Variants in NXPE2 observed in about 807,000 individuals in gnomAD.
NXPE2 encodes the protein neurexophilin and PC-esterase domain family member 2.
Under a neutral mutation model 34.4 loss-of-function variants are expected in NXPE2, and 34 were observed. That is an observed-to-expected ratio of 0.99 (90% CI 0.75 to 1.31). The LOEUF (loss-of-function observed/expected upper bound fraction) is 1.31, where lower values mean the gene tolerates loss of function less well. Among genes scored for constraint, NXPE2 ranks in the 40% most tolerant of loss-of-function variants. The pLI, the probability that NXPE2 is intolerant of heterozygous loss-of-function variation, is 0.00. For synonymous variants in NXPE2, 235 were observed against 231.3 expected, an observed-to-expected ratio of 1.02 and a Z score of -0.15; for missense variants, 649 against 672.5, an observed-to-expected ratio of 0.97 and a Z score of 0.39.
the NXPE2 span, chr11:114,582,721 A>T: frequency 1.2e-6 from 2 of 1,613,978 alleles, no homozygotes; most frequent in Non-Finnish European, 1.7e-6. Flanking sequence ...TCCCCGCCAT[A>T]TTGCTTCCTG....
At chr11:114,664,790 G>T in the NXPE2 span, among the ~76,000 whole-genome samples, 1 of 152,066 alleles carries the variant, frequency 6.6e-6, no homozygotes, top group Non-Finnish European at 1.5e-5. Flanking sequence ...CTCTTGGGAG[G>T]CAGGGCAGCG....
the NXPE2 span, among the ~76,000 whole-genome samples, chr11:114,518,719 G>C: frequency 6.6e-6 from 1 of 152,152 alleles, no homozygotes; most frequent in South Asian, 2.1e-4. Flanking sequence ...TAACAGAAAT[G>C]TTTTTGGGGA....
chr11:114,523,110 G>A, the NXPE2 span: 19,021 of 1,576,050 alleles, frequency 0.012, 1,985 homozygotes, highest in African/African-American at 0.22. Context: ...AAAGACACTC[G>A]TAAATGATTT....
intron 2 of NXPE2, among the ~76,000 whole-genome samples, chr11:114,682,237 C>G (rs2135533621): frequency 6.6e-6 from 1 of 152,300 alleles, no homozygotes; most frequent in African/African-American, 2.4e-5. Flanking sequence ...GTTAATGCTT[C>G]AAGAAAACCT....
chr11:114,752,926 G>C, the NXPE2 span, among the ~76,000 whole-genome samples: 158 of 152,324 alleles, frequency 1.0e-3, 3 homozygotes, highest in South Asian at 0.03. Context: ...GAAGACAAAA[G>C]AGGTAAGAGA....
chr11:114,550,827 A>G, the NXPE2 span, among the ~76,000 whole-genome samples: 9 of 152,234 alleles, frequency 5.9e-5, no homozygotes, highest in Admixed American at 5.9e-4. Flanking sequence ...TAAGTTATTT[A>G]CTGATGAGGA....
At chr11:114,632,714 A>T in the NXPE2 span, among the ~76,000 whole-genome samples, 1 of 74,068 alleles carries the variant, frequency 1.4e-5, no homozygotes, top group Non-Finnish European at 2.3e-5. Flanking sequence ...AATATAATAT[A>T]ATATATATAA....
At chr11:114,593,566 A>G in the NXPE2 span, among the ~76,000 whole-genome samples, 2,583 of 152,262 alleles carry the variant, frequency 0.017, 62 homozygotes, top group African/African-American at 0.058. Flanking sequence ...ACACTTGTAC[A>G]CTGTTGGTGG....
chr11:114,610,866 C>T, the NXPE2 span, among the ~76,000 whole-genome samples: 21 of 151,854 alleles, frequency 1.4e-4, no homozygotes, highest in South Asian at 8.3e-4. Context: ...CACTGTTCCC[C>T]GGGGGAAAAT....
At chr11:114,768,884 A>G in the NXPE2 span, among the ~76,000 whole-genome samples, 1 of 152,226 alleles carries the variant, frequency 6.6e-6, no homozygotes, top group Non-Finnish European at 1.5e-5. Flanking sequence ...AATACCATTC[A>G]GGACATAGGC....
the NXPE2 span, among the ~76,000 whole-genome samples, chr11:114,538,878 A>G: frequency 2.0e-5 from 3 of 152,174 alleles, no homozygotes; most frequent in Admixed American, 6.5e-5. Flanking sequence ...CAGTGTGGTG[A>G]TTCCTCAGGG....
At chr11:114,515,284 G>A in the NXPE2 span, among the ~76,000 whole-genome samples, 1 of 152,000 alleles carries the variant, frequency 6.6e-6, no homozygotes, top group Admixed American at 6.6e-5. Flanking sequence ...TAAGTAACCT[G>A]GGATCTATTT....
At chr11:114,781,634 G>A in the NXPE2 span, among the ~76,000 whole-genome samples, 2 of 152,142 alleles carry the variant, frequency 1.3e-5, no homozygotes, top group African/African-American at 2.4e-5. Flanking sequence ...GGAGGAAGGC[G>A]AGATGGGAGG....
At chr11:114,650,012 G>A in the NXPE2 span, among the ~76,000 whole-genome samples, 1 of 152,116 alleles carries the variant, frequency 6.6e-6, no homozygotes, top group Non-Finnish European at 1.5e-5. Flanking sequence ...GGTCAATAAA[G>A]ATTTCTGTTT....
At chr11:114,539,166 A>G in the NXPE2 span, among the ~76,000 whole-genome samples, 37 of 152,286 alleles carry the variant, frequency 2.4e-4, no homozygotes, top group Non-Finnish European at 3.7e-4. Flanking sequence ...CATCATTCTG[A>G]GCAAACTATC....
chr11:114,780,985 G>A, the NXPE2 span, among the ~76,000 whole-genome samples: 1 of 152,224 alleles, frequency 6.6e-6, no homozygotes, highest in South Asian at 2.1e-4. Context: ...TGCCTATCAG[G>A]CTGAGGAGTG....
chr11:114,662,039 A>C, the NXPE2 span, among the ~76,000 whole-genome samples: 33 of 152,290 alleles, frequency 2.2e-4, no homozygotes, highest in African/African-American at 7.5e-4. Flanking sequence ...CCGCAAGGAC[A>C]CCAATTTAAC....
At chr11:114,562,265 G>A in the NXPE2 span, among the ~76,000 whole-genome samples, 1 of 152,158 alleles carries the variant, frequency 6.6e-6, no homozygotes, top group African/African-American at 2.4e-5. Context: ...TGGGAGAGTG[G>A]TTAGAAATAT....
At chr11:114,589,770 A>G in the NXPE2 span, among the ~76,000 whole-genome samples, 1 of 152,184 alleles carries the variant, frequency 6.6e-6, no homozygotes, top group Admixed American at 6.5e-5. Context: ...AGAAAGGGCT[A>G]GAAGCCATTA....
Sources: allele counts gnomAD v4.1 joint callset (sites outside exome capture counted in the v4.1 genomes callset), GRCh38; gene constraint gnomAD v4.1.1; transcripts MANE v1.5; gene names NCBI Gene and HGNC (gene_info 2026-07-23, HGNC 2026-07-21).